Variants in TEC observed in about 807,000 individuals in gnomAD.
TEC encodes tec protein tyrosine kinase.
Under a neutral mutation model 93.0 loss-of-function variants are expected in TEC, and 72 were observed. The ratio of observed to expected loss-of-function variants is 0.77; its 90% CI spans 0.64 to 0.94. TEC has a LOEUF of 0.94. TEC is among the 40% of genes least tolerant of loss of function. The pLI is 0.00. For missense variants in TEC, 630 were observed against 757.9 expected (o/e 0.83, Z 1.98); for synonymous variants, 249 against 247.7 (o/e 1.01, Z -0.05).
At chr4:48,263,798 CT>C (rs1472553642) in intron 1 of TEC, among the ~76,000 whole-genome samples, 4 of 152,176 alleles carry the variant, frequency 2.6e-5, no homozygotes, top group Non-Finnish European at 4.4e-5. Flanking sequence ...GTTTTGCCCC[CT>C]ATGACAACTA....
Position 48,163,717 on chromosome 4 carries a change from T to C in TEC, c.722A>G (p.Asn241Ser). Residue 241 changes from asparagine to serine, a missense_variant, in exon 8 of 18, where the codon AAC (asparagine) becomes AGC (serine). Physicochemically the swap from Asn to Ser is conservative, Grantham distance 46 (BLOSUM62 1). Coordinates refer to ENST00000381501, the MANE Select transcript of TEC (RefSeq NM_003215.3). ...SNYVTGKKSN[N>S]LDQYEWYCRN... The stretch of plus-strand genomic sequence containing the variant: ...ATTTACTTACTCATATTGATCTAAG[T>C]TGTTTGATTTCTTTCCCGTTACGTA... 2 of 1,494,480 alleles carry C rather than the reference T, an allele frequency of 1.3e-6. No individual in the cohort carries two copies. The highest frequency in any genetic ancestry group is 9.1e-7 in the Non-Finnish European group (1 of 1,099,986). 92.6% of individuals were successfully genotyped at this position (1,494,480 alleles called of 1,614,324 possible). A position where few individuals can be genotyped will look rare whatever the true frequency, so the allele number is the denominator to read the frequency against.
chr4:48,144,556 G>C (rs940589412), intron 14 of TEC, among the ~76,000 whole-genome samples: 1 of 152,032 alleles, frequency 6.6e-6, no homozygotes, highest in African/African-American at 2.4e-5. Flanking sequence ...AACTGGTAAC[G>C]GATTTCTTTT....
At chr4:48,162,850 C>A (rs1720728911) in intron 8 of TEC, among the ~76,000 whole-genome samples, 1 of 152,110 alleles carries the variant, frequency 6.6e-6, no homozygotes, top group Non-Finnish European at 1.5e-5. Flanking sequence ...ATATGAGCCT[C>A]ACGTTACAAC....
chr4:48,168,532 G>T, intron 6 of TEC, 54 bp downstream of exon 6: 1 of 1,577,422 alleles, frequency 6.3e-7, no homozygotes, highest in Non-Finnish European at 8.7e-7. Context: ...CAAAACTTAA[G>T]ACTTAAAGGC....
At chr4:48,257,383 G>A (rs1010268942) in intron 1 of TEC, among the ~76,000 whole-genome samples, 1 of 152,132 alleles carries the variant, frequency 6.6e-6, no homozygotes, top group Non-Finnish European at 1.5e-5. Flanking sequence ...TAACTGCTTG[G>A]TTTTGTTTGA....
intron 1 of TEC, among the ~76,000 whole-genome samples, chr4:48,262,437 T>C (rs1385362859): frequency 1.3e-5 from 2 of 152,036 alleles, no homozygotes; most frequent in African/African-American, 2.4e-5. Context: ...CTTCAAGTGA[T>C]CCACCTGCCT....
At position 48,255,823 on chromosome 4, in the gene TEC, TAAC is replaced by T. The variant is rs749287576; in HGVS notation, c.-46+13926_-46+13928del. On this transcript the variant is annotated intron_variant, in intron 1 of 17. Transcript: ENST00000381501. Reference sequence around the variant, plus strand: ...TCAATGGCAGCTATTATTATCAAAATAACAATAATGACAATTAGTATTATCAGA... The same window carrying T: ...TCAATGGCAGCTATTATTATCAAAATAATAATGACAATTAGTATTATCAGA... 5.4e-3 allele frequency among the ~76,000 whole-genome samples: 815 copies of T among 152,216 alleles called. 10 individuals are homozygous for T. The highest frequency in any genetic ancestry group is 0.018 in the African/African-American group (766 of 41,536).
At chr4:48,142,111 C>T (rs1719697766) in intron 14 of TEC, among the ~76,000 whole-genome samples, 1 of 152,192 alleles carries the variant, frequency 6.6e-6, no homozygotes, top group African/African-American at 2.4e-5. Context: ...AACACACAAC[C>T]ATCAAAATGA....
At chr4:48,254,223 T>C (rs1188766269) in intron 1 of TEC, among the ~76,000 whole-genome samples, 1 of 152,080 alleles carries the variant, frequency 6.6e-6, no homozygotes, top group African/African-American at 2.4e-5. Context: ...ATGAACCAGG[T>C]GAGTCAATCA....
intron 2 of TEC, among the ~76,000 whole-genome samples, chr4:48,186,847 G>A (rs2109575792): frequency 6.6e-6 from 1 of 150,740 alleles, no homozygotes; most frequent in African/African-American, 2.4e-5. Context: ...TGCCCCGTCT[G>A]GGAGGTGGGG....
At chr4:48,170,861 G>C (rs1721075621) in intron 4 of TEC, among the ~76,000 whole-genome samples, 3 of 152,184 alleles carry the variant, frequency 2.0e-5, no homozygotes, top group Admixed American at 2.0e-4. Context: ...GGCCAGCCTG[G>C]CCAACATGGT....
At chr4:48,153,656 G>T (rs897894035) in intron 9 of TEC, 7 of 152,126 alleles carry the variant, frequency 4.6e-5, no homozygotes, top group South Asian at 2.1e-4. Flanking sequence ...GCAACCTCCA[G>T]CACAAATGAG....
At chr4:48,194,478 G>T (rs1052579289) in intron 2 of TEC, among the ~76,000 whole-genome samples, 1 of 152,180 alleles carries the variant, frequency 6.6e-6, no homozygotes, top group Non-Finnish European at 1.5e-5. Flanking sequence ...TTTTCTAGAC[G>T]TCTTTAAAAT....
At chr4:48,185,881 C>T (rs1319374721) in intron 2 of TEC, among the ~76,000 whole-genome samples, 1 of 132,768 alleles carries the variant, frequency 7.5e-6, no homozygotes, top group East Asian at 2.5e-4. Flanking sequence ...TCACCGGTCT[C>T]CCTCTGATGC....
intron 1 of TEC, among the ~76,000 whole-genome samples, chr4:48,267,420 AG>A (rs1384765962): frequency 1.6e-4 from 25 of 152,200 alleles, no homozygotes; most frequent in Admixed American, 3.3e-4. Flanking sequence ...GCGTGTTTGG[AG>A]GTGGAGGCAA....
chr4:48,178,150 G>A (rs1024141993), intron 2 of TEC, among the ~76,000 whole-genome samples: 1 of 149,808 alleles, frequency 6.7e-6, no homozygotes, highest in Non-Finnish European at 1.5e-5. Flanking sequence ...TCTATGCCCA[G>A]CCAGGCTTTC....
At chr4:48,223,162 CTA>C (rs1213170883) in intron 2 of TEC, among the ~76,000 whole-genome samples, 2 of 152,020 alleles carry the variant, frequency 1.3e-5, no homozygotes, top group African/African-American at 4.8e-5. Flanking sequence ...AATGTTTAAA[CTA>C]TAGATTGGAG....
chr4:48,265,234 A>T (rs1218687633), intron 1 of TEC, among the ~76,000 whole-genome samples: 2 of 151,800 alleles, frequency 1.3e-5, no homozygotes, highest in African/African-American at 4.8e-5. Context: ...AACCAAAAAA[A>T]TAGAGATTTT....
chr4:48,265,378 T>G (rs1424310941), intron 1 of TEC, among the ~76,000 whole-genome samples: 2 of 149,820 alleles, frequency 1.3e-5, no homozygotes, highest in East Asian at 1.9e-4. Flanking sequence ...GAGATAGATA[T>G]ATATATATAT....
Sources: allele counts gnomAD v4.1 joint callset (sites outside exome capture counted in the v4.1 genomes callset), GRCh38; gene constraint gnomAD v4.1.1; transcripts MANE v1.5; gene names NCBI Gene and HGNC (gene_info 2026-07-23, HGNC 2026-07-21).